KIRREL1: variants seen among roughly 807,000 people sequenced by gnomAD.
KIRREL1 encodes the protein kirre like nephrin family adhesion molecule 1.
Under a neutral mutation model 83.3 loss-of-function variants are expected in KIRREL1, and 25 were observed. The ratio of observed to expected loss-of-function variants is 0.30; its 90% CI spans 0.22 to 0.42. The LOEUF is 0.42. Ranked by LOEUF, KIRREL1 falls within the 10% of genes least tolerant of loss-of-function variation. The pLI is 1.00. For synonymous variants in KIRREL1, 388 were observed against 410.4 expected (o/e 0.95, Z 0.66); for missense variants, 812 against 1,032.3 (o/e 0.79, Z 2.92).
intron 1 of KIRREL1, among the ~76,000 whole-genome samples, chr1:157,997,322 A>T (rs1459633240): frequency 1.3e-5 from 2 of 152,198 alleles, no homozygotes; most frequent in Non-Finnish European, 2.9e-5. Flanking sequence ...TGAATATGTT[A>T]ATCCATGTAA....
chr1:158,089,372 C>G, intron 8 of KIRREL1, 130 bp from the exon 9 acceptor site: 1 of 1,448,608 alleles, frequency 6.9e-7, no homozygotes, highest in East Asian at 2.3e-5. Context: ...ACTCGGGAAC[C>G]CCATTTCCCT....
Position 158,096,275 on chromosome 1 carries a change from G to A in KIRREL1, c.*1155G>A. ...GGACTCTGATAGGGTTACGGAGGGGGCCTGGCTCTCAGTCTCTACTCTCCT... is the reference window on the plus strand; with the variant it reads ...GGACTCTGATAGGGTTACGGAGGGGACCTGGCTCTCAGTCTCTACTCTCCT... On this transcript the variant is annotated 3_prime_UTR_variant, in exon 15 of 15. Transcript: ENST00000359209. 8 of 300,092 alleles carry A rather than the reference G, an allele frequency of 2.7e-5. No individual in the cohort carries two copies. The highest frequency in any genetic ancestry group is 2.5e-4 in the South Asian group (8 of 31,404). The allele number at this position is 300,092 out of a possible 1,614,324, so 18.6% of individuals were successfully genotyped here.
At chr1:158,059,205 C>G (rs574502576) in intron 1 of KIRREL1, among the ~76,000 whole-genome samples, 2 of 152,300 alleles carry the variant, frequency 1.3e-5, no homozygotes, top group Admixed American at 1.3e-4. Context: ...TTCACTTACT[C>G]CCTGTCAGAT....
At chr1:158,041,085 A>C (rs1305112710) in intron 1 of KIRREL1, among the ~76,000 whole-genome samples, 1 of 152,220 alleles carries the variant, frequency 6.6e-6, no homozygotes, top group Admixed American at 6.5e-5. Context: ...ATTATGTGCC[A>C]GGCACTCCAC....
At chr1:158,011,319 C>T (rs1659681861) in intron 1 of KIRREL1, among the ~76,000 whole-genome samples, 1 of 152,222 alleles carries the variant, frequency 6.6e-6, no homozygotes, top group Non-Finnish European at 1.5e-5. Context: ...AAACCAAAGC[C>T]TCTTTCATAA....
chr1:158,070,395 C>T (rs1053639404), intron 1 of KIRREL1, among the ~76,000 whole-genome samples: 3 of 152,200 alleles, frequency 2.0e-5, no homozygotes, highest in Non-Finnish European at 2.9e-5. Context: ...GATTATTATG[C>T]AGAAACAGTG....
chr1:158,093,737 C>G lies in KIRREL1; in HGVS notation c.1694C>G (p.Thr565Ser). The G allele has an allele frequency of 6.2e-7, 1 of 1,614,220 alleles. No homozygotes were observed. Among genetic ancestry groups the G allele is most frequent in the Non-Finnish European group, 8.5e-7 (1 of 1,180,044 alleles). ...EDDTASVSTA[T>S]RVMKAIYSSF... ...GACACCGCCAGCGTCTCCACAGCAA[C>G]CCGGGTCATGAAGGCCATCTACTCG... The change falls in exon 13 of 15, where the codon ACC (threonine) becomes AGC (serine). Residue 565 changes from threonine (T) to serine (S), a missense_variant. By Grantham distance (58) the Thr-to-Ser change is moderately conservative. Coordinates refer to ENST00000359209, the MANE Select transcript of KIRREL1 (RefSeq NM_018240.7).
intron 1 of KIRREL1, among the ~76,000 whole-genome samples, chr1:158,016,931 G>C (rs1000563450): frequency 2.6e-5 from 4 of 152,166 alleles, no homozygotes; most frequent in African/African-American, 9.7e-5. Flanking sequence ...AGGTGAAGTT[G>C]GCCCTGCATT....
In KIRREL1 at chr1:158,088,024, C is replaced by T; in HGVS notation, c.786C>T (p.Phe262=). The T allele has an allele frequency of 6.2e-7, 1 of 1,614,188 alleles. No individual in the cohort carries two copies. Among genetic ancestry groups the T allele is most frequent in the Non-Finnish European group, 8.5e-7 (1 of 1,180,038 alleles). ...CCCCTAGGTGGGCCAAAGGGGGTTT[C>T]TTGATTGAAGACGCCCACGAGAGTC... is the stretch of plus-strand genomic sequence containing the variant. ...ILGYRWAKGG[F]LIEDAHESRY... is the part of the protein sequence containing the mutation. Residue 262 remains phenylalanine, a synonymous_variant, in exon 7 of 15, where the codon TTC becomes TTT. Coordinates refer to ENST00000359209, the MANE Select transcript of KIRREL1 (RefSeq NM_018240.7).
At position 158,022,751 on chromosome 1, in the gene KIRREL1, G is replaced by A. The variant is rs1033241156; in HGVS notation, c.52+29023G>A. Among the ~76,000 whole-genome samples the A allele has an allele frequency of 3.3e-5, 5 of 152,112 alleles. No homozygotes were observed. In the East Asian group the frequency reaches 7.7e-4, roughly 23 times the overall value. On this transcript the variant is annotated intron_variant, in intron 1 of 14. Coordinates refer to ENST00000359209, the MANE Select transcript of KIRREL1 (RefSeq NM_018240.7). ...ACTTAATCGGAAGGGCGGGAGAGAGGGTCCAAGTGTTCAGGCAAGTACCAC... is the reference window on the plus strand; with the variant it reads ...ACTTAATCGGAAGGGCGGGAGAGAGAGTCCAAGTGTTCAGGCAAGTACCAC...
At position 158,094,844 on chromosome 1, in the gene KIRREL1, A is replaced by G. The variant is rs749644813; in HGVS notation, c.1998A>G (p.Thr666=). Residue 666 remains threonine, a synonymous_variant, in exon 15 of 15, where the codon ACA becomes ACG. Transcript: ENST00000359209. This position sits in a 1 kb window ranked among gnomAD's most constrained non-coding sequence, Gnocchi z 4.6. ...CCTCTGACTATGGCCCTGAGCCCAC[A>G]CCCCCTGGCCCTGCTGCCCCAGCTG... ...GPASDYGPEP[T]PPGPAAPAGT... 1.2e-6 allele frequency: 2 copies of G among 1,613,020 alleles called. No homozygotes were observed. Among genetic ancestry groups the G allele is most frequent in the Admixed American group, 1.7e-5 (1 of 59,898 alleles).
chr1:158,092,374 G>C (rs941878462), intron 11 of KIRREL1, among the ~76,000 whole-genome samples: 10 of 129,862 alleles, frequency 7.7e-5, no homozygotes, highest in African/African-American at 3.1e-4. Context: ...TTGAGATGGA[G>C]TCTTGCTCTG....
chr1:158,033,137 C>T (rs527545863), intron 1 of KIRREL1, among the ~76,000 whole-genome samples: 2 of 152,204 alleles, frequency 1.3e-5, no homozygotes, highest in Admixed American at 1.3e-4. Flanking sequence ...AGTGCAATGG[C>T]GCGATCTTGC....
chr1:158,056,519 G>T (rs1314032299), intron 1 of KIRREL1, among the ~76,000 whole-genome samples: 3 of 152,160 alleles, frequency 2.0e-5, no homozygotes, highest in Non-Finnish European at 4.4e-5. Flanking sequence ...GTCTTGCCTG[G>T]TTGGGGCTTA....
intron 1 of KIRREL1, among the ~76,000 whole-genome samples, chr1:158,042,100 G>A (rs1376252440): frequency 6.6e-6 from 1 of 152,102 alleles, no homozygotes; most frequent in Non-Finnish European, 1.5e-5. Context: ...CAGAGCTCTC[G>A]ATGTCACAGG....
intron 1 of KIRREL1, among the ~76,000 whole-genome samples, chr1:158,016,120 A>T (rs1167283158): frequency 6.6e-6 from 1 of 152,168 alleles, no homozygotes; most frequent in African/African-American, 2.4e-5. Context: ...CCTGGCCAAC[A>T]TGGTGAAACC....
chr1:158,053,171 G>A (rs965439344), intron 1 of KIRREL1, among the ~76,000 whole-genome samples: 1 of 152,158 alleles, frequency 6.6e-6, no homozygotes, highest in Non-Finnish European at 1.5e-5. Flanking sequence ...GTGTTTATGT[G>A]TGTAAGTCTG....
chr1:158,054,991 T>C (rs1054514559), intron 1 of KIRREL1, among the ~76,000 whole-genome samples: 2 of 152,168 alleles, frequency 1.3e-5, no homozygotes, highest in Non-Finnish European at 2.9e-5. Flanking sequence ...TCAGACTCAT[T>C]TCTTTGGGCT....
intron 2 of KIRREL1, among the ~76,000 whole-genome samples, chr1:158,077,420 G>T (rs1020509854): frequency 1.3e-5 from 2 of 152,184 alleles, no homozygotes; most frequent in South Asian, 2.1e-4. Context: ...AGAAGCGGGT[G>T]GGGGAGCCTG....
Sources: gnomAD v4.1 joint callset for allele counts (sites outside exome capture counted in the v4.1 genomes callset) on GRCh38, gnomAD v4.1.1 for gene constraint, Gnocchi (gnomAD v3.1) non-coding constraint, MANE v1.5 for transcripts, NCBI Gene and HGNC (gene_info 2026-07-23, HGNC 2026-07-21) for gene names.